The following RNLS variants were observed in gnomAD, a reference collection of about 807,000 sequenced individuals.
RNLS encodes renalase.
In RNLS, 39 loss-of-function variants were observed where a neutral mutation model predicts 39.8. That is an observed-to-expected ratio of 0.98 (90% CI 0.76 to 1.28). RNLS has a LOEUF of 1.28. Ranked by LOEUF, RNLS falls within the 50% of genes most tolerant of loss-of-function variation. The pLI is 0.00. For missense variants in RNLS, 410 were observed against 413.3 expected (o/e 0.99, Z 0.07); for synonymous variants, 147 against 150.7 (o/e 0.98, Z 0.18).
At chr10:88,531,572 T>A (rs922844351) in intron 4 of RNLS, among the ~76,000 whole-genome samples, 1 of 151,980 alleles carries the variant, frequency 6.6e-6, no homozygotes, top group Non-Finnish European at 1.5e-5. Context: ...ACTCTGTAGA[T>A]CTCAGCACCA....
chr10:88,472,416 A>C (rs1325216389), intron 4 of RNLS, among the ~76,000 whole-genome samples: 4 of 152,100 alleles, frequency 2.6e-5, no homozygotes, highest in Admixed American at 2.6e-4. Flanking sequence ...GAGCCTGGGG[A>C]ACCTGTTAAC....
intron 4 of RNLS, among the ~76,000 whole-genome samples, chr10:88,408,255 TTCCTC>T (rs1416471376): frequency 2.0e-5 from 3 of 152,118 alleles, no homozygotes; most frequent in African/African-American, 7.2e-5. Context: ...CTTTTTTTGT[TTCCTC>T]TATAAGCATT....
At chr10:88,314,445 A>G (rs1352084941) in intron 6 of RNLS, 21 bp downstream of exon 6, 2 of 1,612,056 alleles carry the variant, frequency 1.2e-6, no homozygotes, top group Non-Finnish European at 1.7e-6. Context: ...TTGTGCTTAG[A>G]CCACTGGATT....
chr10:88,557,125 TCTC>T, intron 4 of RNLS, among the ~76,000 whole-genome samples: 1 of 152,270 alleles, frequency 6.6e-6, no homozygotes, highest in South Asian at 2.1e-4. Context: ...AATTTTAATT[TCTC>T]TTCTTGGAGT....
chr10:88,218,840 C>A, the RNLS span, among the ~76,000 whole-genome samples: 1 of 152,166 alleles, frequency 6.6e-6, no homozygotes, highest in Non-Finnish European at 1.5e-5. Flanking sequence ...ACAGGCCCCA[C>A]CCTCAAGAGC....
At chr10:88,176,182 T>C in the RNLS span, among the ~76,000 whole-genome samples, 1 of 152,056 alleles carries the variant, frequency 6.6e-6, no homozygotes, top group African/African-American at 2.4e-5. Flanking sequence ...TCTTTTTTTT[T>C]TTTTCTTTTT....
At chr10:88,293,885 G>C (rs1211217378) in intron 6 of RNLS, among the ~76,000 whole-genome samples, 2 of 152,138 alleles carry the variant, frequency 1.3e-5, no homozygotes, top group Non-Finnish European at 2.9e-5. Flanking sequence ...GTGGTGAGTG[G>C]ATGAGTAATT....
At chr10:88,338,203 G>A (rs1268435886) in intron 5 of RNLS, among the ~76,000 whole-genome samples, 5 of 152,308 alleles carry the variant, frequency 3.3e-5, no homozygotes, top group East Asian at 1.9e-4. Context: ...CTTTAGAGAA[G>A]AGACTAAAAC....
intron 5 of RNLS, among the ~76,000 whole-genome samples, chr10:88,342,974 T>G (rs559766955): frequency 6.6e-6 from 1 of 152,176 alleles, no homozygotes; most frequent in African/African-American, 2.4e-5. Context: ...ATCAGTAGAT[T>G]TGAGTAGCTG....
chr10:88,343,774 A>AG, intron 5 of RNLS: 1 of 985,420 alleles, frequency 1.0e-6, no homozygotes, highest in Non-Finnish European at 1.2e-6. Flanking sequence ...CTGGGACACA[A>AG]GGAGATTTTC....
At chr10:88,376,932 T>G (rs961308183) in intron 4 of RNLS, among the ~76,000 whole-genome samples, 2 of 152,138 alleles carry the variant, frequency 1.3e-5, no homozygotes, top group Non-Finnish European at 2.9e-5. Flanking sequence ...AATACTACCA[T>G]ATAAACTATG....
At chr10:88,190,272 A>AT in the RNLS span, among the ~76,000 whole-genome samples, 1 of 152,228 alleles carries the variant, frequency 6.6e-6, no homozygotes. Flanking sequence ...TGGACTTCTC[A>AT]TTCACCATCT....
At chr10:88,258,942 G>A in the RNLS span, among the ~76,000 whole-genome samples, 1 of 152,180 alleles carries the variant, frequency 6.6e-6, no homozygotes, top group Non-Finnish European at 1.5e-5. Flanking sequence ...TGTTACTGGC[G>A]AGCTCAAATC....
the RNLS span, among the ~76,000 whole-genome samples, chr10:88,246,356 T>C: frequency 6.6e-6 from 1 of 152,216 alleles, no homozygotes. Flanking sequence ...CAGCTCATTA[T>C]TTCTCTTCAA....
At chr10:88,492,508 T>C (rs1369169237) in intron 4 of RNLS, among the ~76,000 whole-genome samples, 1 of 149,134 alleles carries the variant, frequency 6.7e-6, no homozygotes, top group Non-Finnish European at 1.5e-5. Context: ...AACCTCTGCC[T>C]CCCAGGCTCA....
At chr10:88,533,264 A>G (rs1847550399) in intron 4 of RNLS, among the ~76,000 whole-genome samples, 2 of 152,236 alleles carry the variant, frequency 1.3e-5, no homozygotes, top group Admixed American at 1.3e-4. Flanking sequence ...ACAAATCATC[A>G]TTGGTTAAAG....
chr10:88,274,195 C>T (rs558363088), exon 7 of RNLS: 1 of 152,276 alleles, frequency 6.6e-6, no homozygotes, highest in East Asian at 1.9e-4. Context: ...GGTAAATATA[C>T]ATAACATAAA....
chr10:88,228,655 A>G, the RNLS span, among the ~76,000 whole-genome samples: 15 of 152,278 alleles, frequency 9.9e-5, 1 homozygote, highest in African/African-American at 3.4e-4. Context: ...TTTTGCCACA[A>G]TCACTCCACG....
At chr10:88,241,167 T>G in the RNLS span, among the ~76,000 whole-genome samples, 1 of 151,684 alleles carries the variant, frequency 6.6e-6, no homozygotes, top group Non-Finnish European at 1.5e-5. Flanking sequence ...AGGGTTATAA[T>G]AGCTTTATAA....
Sources: gnomAD v4.1 joint callset for allele counts (sites outside exome capture counted in the v4.1 genomes callset) on GRCh38, gnomAD v4.1.1 for gene constraint, MANE v1.5 for transcripts, NCBI Gene and HGNC (gene_info 2026-07-23, HGNC 2026-07-21) for gene names.